Variants in GRIK2 observed in about 807,000 individuals in gnomAD.
GRIK2 encodes glutamate receptor ionotropic, kainate 2.
Under a neutral mutation model 100.3 loss-of-function variants are expected in GRIK2, and 32 were observed. That is an observed-to-expected ratio of 0.32 (90% CI 0.24 to 0.43). The LOEUF is 0.43. Among genes scored for constraint, GRIK2 ranks in the 20% least tolerant of loss-of-function variants. The pLI, the probability that GRIK2 is intolerant of heterozygous loss-of-function variation, is 1.00. For synonymous variants in GRIK2, 417 were observed against 389.4 expected, an observed-to-expected ratio of 1.07 and a Z score of -0.83; for missense variants, 843 against 1,114.9, an observed-to-expected ratio of 0.76 and a Z score of 3.47.
At chr6:101,665,033 G>T (rs572284726) in intron 4 of GRIK2, among the ~76,000 whole-genome samples, 1 of 152,166 alleles carries the variant, frequency 6.6e-6, no homozygotes, top group Non-Finnish European at 1.5e-5. Context: ...TGAGATTTGC[G>T]TGGGGACACA....
intron 12 of GRIK2, among the ~76,000 whole-genome samples, chr6:101,915,199 TAAA>T (rs1789021112): frequency 6.6e-6 from 1 of 151,324 alleles, no homozygotes; most frequent in Non-Finnish European, 1.5e-5. Context: ...TATTGAACAA[TAAA>T]AATATTTTGG....
At chr6:101,876,745 G>T (rs1785878290) in intron 11 of GRIK2, among the ~76,000 whole-genome samples, 1 of 151,882 alleles carries the variant, frequency 6.6e-6, no homozygotes, top group Admixed American at 6.6e-5. Flanking sequence ...GCCAGAAATA[G>T]CCTTAGTAAC....
chr6:101,973,892 G>A (rs1054278008), intron 14 of GRIK2, among the ~76,000 whole-genome samples: 2 of 151,884 alleles, frequency 1.3e-5, no homozygotes, highest in African/African-American at 2.4e-5. Context: ...CTAAGGCTCT[G>A]GAGAGGTCTT....
At chr6:101,504,348 A>G (rs1347828722) in intron 2 of GRIK2, among the ~76,000 whole-genome samples, 4 of 152,074 alleles carry the variant, frequency 2.6e-5, no homozygotes, top group Non-Finnish European at 5.9e-5. Context: ...CTGATTTATT[A>G]TATGACTATA....
intron 15 of GRIK2, among the ~76,000 whole-genome samples, chr6:102,055,029 C>A (rs1771396023): frequency 6.6e-6 from 1 of 152,100 alleles, no homozygotes; most frequent in African/African-American, 2.4e-5. Flanking sequence ...GCACTCTATC[C>A]GTTTTCCTTT....
chr6:102,039,324 T>C (rs1770447057), intron 15 of GRIK2, among the ~76,000 whole-genome samples: 1 of 151,540 alleles, frequency 6.6e-6, no homozygotes, highest in South Asian at 2.1e-4. Context: ...TGACATTAAA[T>C]TCCTTCATAG....
At chr6:102,020,225 G>T (rs1417353762) in intron 14 of GRIK2, among the ~76,000 whole-genome samples, 1 of 150,710 alleles carries the variant, frequency 6.6e-6, no homozygotes, top group Non-Finnish European at 1.5e-5. Flanking sequence ...AGAATTAGTT[G>T]CTTTATTTAT....
At chr6:101,660,959 A>G (rs952680988) in intron 4 of GRIK2, among the ~76,000 whole-genome samples, 1 of 152,056 alleles carries the variant, frequency 6.6e-6, no homozygotes, top group Admixed American at 6.6e-5. Context: ...GGGATCAGGG[A>G]CCCACTTGAG....
Position 101,676,738 on chromosome 6 carries a change from A to G in GRIK2, c.657A>G (p.Lys219=). Residue 219 remains lysine (K), a synonymous_variant, in exon 5 of 17, where the codon AAA becomes AAG. Coordinates refer to ENST00000369134, the MANE Select transcript of GRIK2 (RefSeq NM_021956.5). ...KDAKPLLKEM[K]RGKEFHVIFD... is the part of the protein sequence containing the mutation. ...CAAAACCCTTACTAAAAGAAATGAA[A>G]AGAGGCAAGGAGTTTCATGTAATCT... The G allele has an allele frequency of 6.2e-7, 1 of 1,609,774 alleles. No homozygotes were observed. The highest frequency in any genetic ancestry group is 2.2e-5 in the East Asian group (1 of 44,586).
chr6:101,636,101 A>G (rs966898780), intron 4 of GRIK2, among the ~76,000 whole-genome samples: 9 of 152,166 alleles, frequency 5.9e-5, no homozygotes, highest in Non-Finnish European at 1.3e-4. Flanking sequence ...AATCAACCCA[A>G]ATGCCCATCA....
intron 14 of GRIK2, among the ~76,000 whole-genome samples, chr6:101,950,282 T>G (rs1274041380): frequency 6.6e-6 from 1 of 152,184 alleles, no homozygotes; most frequent in Non-Finnish European, 1.5e-5. Context: ...TTCTTGTTTT[T>G]TGGACCAATT....
At chr6:101,883,184 C>G (rs908856922) in intron 11 of GRIK2, among the ~76,000 whole-genome samples, 2 of 151,138 alleles carry the variant, frequency 1.3e-5, no homozygotes, top group Non-Finnish European at 2.9e-5. Flanking sequence ...ACCTTTACTA[C>G]TATGCGGTCT....
chr6:101,602,051 G>C (rs2128310428), intron 2 of GRIK2, among the ~76,000 whole-genome samples: 1 of 151,664 alleles, frequency 6.6e-6, no homozygotes, highest in East Asian at 1.9e-4. Flanking sequence ...TTTTGAGGTA[G>C]GTGTTTAGCA....
At chr6:101,921,078 G>A (rs557472143) in intron 12 of GRIK2, among the ~76,000 whole-genome samples, 35 of 152,118 alleles carry the variant, frequency 2.3e-4, no homozygotes, top group African/African-American at 7.9e-4. Context: ...AAATGAAAAA[G>A]ACATTCTAGA....
chr6:101,736,342 A>G (rs1216656204), intron 7 of GRIK2, among the ~76,000 whole-genome samples: 1 of 152,204 alleles, frequency 6.6e-6, no homozygotes, highest in Non-Finnish European at 1.5e-5. Flanking sequence ...TTCCGACCCA[A>G]CATCTCCCTT....
At chr6:102,033,739 G>T (rs111546405) in intron 14 of GRIK2, among the ~76,000 whole-genome samples, 32 of 151,264 alleles carry the variant, frequency 2.1e-4, no homozygotes, top group Non-Finnish European at 4.6e-4. Flanking sequence ...AATGCTTAAA[G>T]AAATGAAAAA....
At chr6:101,809,922 CTATT>C (rs1053421588) in intron 9 of GRIK2, among the ~76,000 whole-genome samples, 7 of 151,856 alleles carry the variant, frequency 4.6e-5, no homozygotes, top group African/African-American at 1.7e-4. Context: ...TTTCAGAAAA[CTATT>C]TATGAATGAT....
intron 7 of GRIK2, among the ~76,000 whole-genome samples, chr6:101,781,242 G>T (rs1301149461): frequency 6.6e-6 from 1 of 151,722 alleles, no homozygotes; most frequent in Non-Finnish European, 1.5e-5. Flanking sequence ...CTAATAATTG[G>T]TCACAATCAG....
intron 2 of GRIK2, among the ~76,000 whole-genome samples, chr6:101,463,192 C>T (rs1182059108): frequency 1.3e-5 from 2 of 152,070 alleles, no homozygotes; most frequent in Non-Finnish European, 2.9e-5. Context: ...AGACATTTTA[C>T]AGGCAGTGTT....
Sources: allele counts gnomAD v4.1 joint callset (sites outside exome capture counted in the v4.1 genomes callset), GRCh38; gene constraint gnomAD v4.1.1; transcripts MANE v1.5; gene names NCBI Gene and HGNC (gene_info 2026-07-23, HGNC 2026-07-21).